Variants in SAMD7 observed in about 807,000 individuals in gnomAD.
SAMD7 encodes the protein sterile alpha motif domain containing 7.
SAMD7 carries 34 observed loss-of-function variants against 36.7 expected under a neutral mutation model. That is an observed-to-expected ratio of 0.93 (90% CI 0.71 to 1.23). The LOEUF (loss-of-function observed/expected upper bound fraction) is 1.23, where lower values mean the gene tolerates loss of function less well. SAMD7 is among the 50% of genes most tolerant of loss of function. The pLI is 0.00. For synonymous variants in SAMD7, 188 were observed against 189.7 expected (o/e 0.99, Z 0.07); for missense variants, 570 against 546.6 (o/e 1.04, Z -0.43).
chr3:169,930,914 G>A (rs1016819870), intron 7 of SAMD7, among the ~76,000 whole-genome samples: 3 of 152,004 alleles, frequency 2.0e-5, no homozygotes, highest in Non-Finnish European at 4.4e-5. Context: ...GTTGGACCAA[G>A]GTGCTGAGAT....
intron 8 of SAMD7, among the ~76,000 whole-genome samples, chr3:169,937,329 G>A (rs1395567347): frequency 6.6e-6 from 1 of 152,012 alleles, no homozygotes; most frequent in East Asian, 1.9e-4. Context: ...TGCCATGGTG[G>A]TTTGCTGCAC....
At position 169,938,778 on chromosome 3, in the gene SAMD7, G is replaced by A. The variant is rs899257090; in HGVS notation, c.*272G>A. The A allele has an allele frequency of 6.6e-6, 2 of 305,014 alleles. No individual in the cohort carries two copies. The highest frequency in any genetic ancestry group is 4.3e-5 in the African/African-American group (2 of 46,602). The allele number at this position is 305,014 out of a possible 1,614,324, so 18.9% of individuals were successfully genotyped here. ...GAAAGCTGCAGATGGATGTTTCCAT[G>A]AAGAAATCTCTGAAGAAACCAAAAG... is the stretch of plus-strand genomic sequence containing the variant. On this transcript the variant is annotated 3_prime_UTR_variant, in exon 9 of 9. Transcript: ENST00000335556.
intron 2 of SAMD7, among the ~76,000 whole-genome samples, 180 bp downstream of exon 2, chr3:169,915,621 G>A (rs1479319164): frequency 4.1e-5 from 4 of 98,670 alleles, no homozygotes; most frequent in Admixed American, 3.4e-4. Flanking sequence ...ATCTCCCTCT[G>A]TTGCCCAGGC....
intron 5 of SAMD7, 54 bp from the exon 6 acceptor site, chr3:169,926,499 T>G: frequency 6.6e-7 from 1 of 1,508,126 alleles, no homozygotes. Context: ...GTCATTAAAA[T>G]TACATTTATA....
chr3:169,920,357 G>A lies in SAMD7; in HGVS notation c.86+773G>A, dbSNP rs574198425. On this transcript the variant is annotated intron_variant, in intron 3 of 8. Coordinates refer to ENST00000335556, the MANE Select transcript of SAMD7 (RefSeq NM_001304366.2). ...CACCTGCTCACTGTATCCTCACATAGCCCTTCCTAGTTTGCCTTTGCAGAA... is the reference window on the plus strand; with the variant it reads ...CACCTGCTCACTGTATCCTCACATAACCCTTCCTAGTTTGCCTTTGCAGAA... 2.0e-5 allele frequency among the ~76,000 whole-genome samples: 3 copies of A among 152,252 alleles called. No homozygotes were observed. The South Asian group carries it at 6.2e-4, about 32-fold the overall frequency.
In SAMD7 at chr3:169,932,371, T is replaced by C. The variant is rs1030723394; in HGVS notation, c.1041+3793T>C. The stretch of plus-strand genomic sequence containing the variant: ...CCTTGAAAGGGAACAGAAAGTTGTT[T>C]TCGAACCTAAGTAGTATAGCCGAGA... On this transcript the variant is annotated intron_variant, in intron 7 of 8. Coordinates refer to ENST00000335556, the MANE Select transcript of SAMD7 (RefSeq NM_001304366.2). 3 of 659,412 alleles carry C rather than the reference T, an allele frequency of 4.5e-6. No homozygotes were observed. The African/African-American group carries it at 5.4e-5, about 12-fold the overall frequency. The allele number at this position is 659,412 out of a possible 1,614,324, so 40.8% of individuals were successfully genotyped here.
chr3:169,929,403 T>C (rs1293582736), intron 7 of SAMD7, among the ~76,000 whole-genome samples: 1 of 152,208 alleles, frequency 6.6e-6, no homozygotes, highest in Non-Finnish European at 1.5e-5. Flanking sequence ...TAACTGATAC[T>C]AGAGCTGATT....
At chr3:169,936,546 T>TATATTAC in intron 8 of SAMD7, 97 bp downstream of exon 8, 1 of 709,922 alleles carries the variant, frequency 1.4e-6, no homozygotes, top group Non-Finnish European at 2.4e-6. Context: ...AATACTTATT[T>TATATTAC]AACTTCTTTA....
chr3:169,936,300 G>C, intron 7 of SAMD7, 39 bp from the exon 8 acceptor site: 2 of 1,283,654 alleles, frequency 1.6e-6, no homozygotes, highest in Non-Finnish European at 2.2e-6. Context: ...TTCAAAAAAA[G>C]ACATTCAGAC....
At chr3:169,930,871 G>A (rs1387884771) in intron 7 of SAMD7, among the ~76,000 whole-genome samples, 65 of 151,756 alleles carry the variant, frequency 4.3e-4, no homozygotes, top group Non-Finnish European at 7.4e-5. Context: ...ATGAGCCACC[G>A]CGCCCAGCCC....
intron 3 of SAMD7, among the ~76,000 whole-genome samples, chr3:169,920,507 A>T (rs1264440133): frequency 6.6e-6 from 1 of 152,248 alleles, no homozygotes; most frequent in Non-Finnish European, 1.5e-5. Flanking sequence ...CAGTCACATT[A>T]GCAGTTAAGG....
At chr3:169,923,080 C>G (rs77422173) in intron 4 of SAMD7, among the ~76,000 whole-genome samples, 2,336 of 152,068 alleles carry the variant, frequency 0.015, 66 homozygotes, top group African/African-American at 0.054. Context: ...TATCTTCTAT[C>G]CCCCCCAAAA....
At chr3:169,932,689 G>A (rs1180894371) in intron 7 of SAMD7, 1 of 556,924 alleles carries the variant, frequency 1.8e-6, no homozygotes, top group Non-Finnish European at 3.6e-6. Context: ...TTCCAGATGT[G>A]TGGCCTCTCC....
intron 1 of SAMD7, among the ~76,000 whole-genome samples, chr3:169,913,956 T>G (rs943901058): frequency 3.3e-5 from 5 of 152,186 alleles, no homozygotes; most frequent in African/African-American, 1.2e-4. Flanking sequence ...TATTCTGATT[T>G]TATTTGCTTC....
At chr3:169,927,285 CTTTTTTTTTTTTTTT>C (rs71634451) in intron 6 of SAMD7, 104 bp downstream of exon 6, 6 of 141,804 alleles carry the variant, frequency 4.2e-5, no homozygotes, top group Admixed American at 2.3e-4. Flanking sequence ...TTTTATCTTT[CTTTTTTTTTTTTTTT>C]TTTTTTTTTT....
chr3:169,926,740 C>A lies in SAMD7; in HGVS notation c.478C>A (p.Leu160Ile). 6.2e-7 allele frequency: 1 copy of A among 1,613,994 alleles called. No homozygotes were observed. Among genetic ancestry groups the A allele is most frequent in the Non-Finnish European group, 8.5e-7 (1 of 1,179,990 alleles). The stretch of plus-strand genomic sequence containing the variant: ...TTTTCACAGAAGCACCCTCAGAAAC[C>A]TTCAGGGAAACCCCATGCTAGCGGC... ...LHFHRSTLRN[L>I]QGNPMLAATA... The change falls in exon 6 of 9, where the codon CTT (leucine) becomes ATT (isoleucine). Residue 160 changes from leucine to isoleucine, a missense_variant. Transcript: ENST00000335556.
intron 7 of SAMD7, chr3:169,931,965 T>A (rs533235911): frequency 8.5e-4 from 427 of 501,298 alleles, no homozygotes; most frequent in Non-Finnish European, 1.2e-3. Context: ...AGCCAGAGAG[T>A]GAGTGGGTCA....
rs985932080 is a variant in SAMD7 at position 169,922,172 on chromosome 3, C to G, written c.211+834C>G. On this transcript the variant is annotated intron_variant, in intron 4 of 8. Coordinates refer to ENST00000335556, the MANE Select transcript of SAMD7 (RefSeq NM_001304366.2). ...CTAACAGACACCCAAGCGGAGAGGT[C>G]AGGAAGGCAGCAGAAGTGCAGGGAG... 2.6e-5 allele frequency among the ~76,000 whole-genome samples: 4 copies of G among 152,146 alleles called. No individual in the cohort carries two copies. In the South Asian group the frequency reaches 6.2e-4, roughly 24 times the overall value.
chr3:169,914,048 G>T (rs998513598), intron 1 of SAMD7, among the ~76,000 whole-genome samples: 1 of 152,162 alleles, frequency 6.6e-6, no homozygotes, highest in Non-Finnish European at 1.5e-5. Context: ...TTCTACATTT[G>T]TCAGAATCAT....
Sources: allele counts gnomAD v4.1 joint callset (sites outside exome capture counted in the v4.1 genomes callset), GRCh38; gene constraint gnomAD v4.1.1; transcripts MANE v1.5; gene names NCBI Gene and HGNC (gene_info 2026-07-23, HGNC 2026-07-21).